ARNT2: variants seen among roughly 807,000 people sequenced by gnomAD.
The protein encoded by ARNT2 is aryl hydrocarbon receptor nuclear translocator 2.
In ARNT2, 36 loss-of-function variants were observed where a neutral mutation model predicts 91.7. The observed-to-expected ratio is 0.39, with a 90% CI of 0.30 to 0.52. The LOEUF is 0.52. Among genes scored for constraint, ARNT2 ranks in the 20% least tolerant of loss-of-function variants. The pLI, the probability that ARNT2 is intolerant of heterozygous loss-of-function variation, is 0.72. For synonymous variants in ARNT2, 365 were observed against 347.1 expected (o/e 1.05, Z -0.57); for missense variants, 775 against 939.3 (o/e 0.83, Z 2.29).
chr15:80,470,137 G>A (rs1896712288), intron 3 of ARNT2, 81 bp from the exon 4 acceptor site: 1 of 1,380,654 alleles, frequency 7.2e-7, no homozygotes, highest in Non-Finnish European at 1.0e-6. Context: ...TGGTGTTAAT[G>A]GTTTTATCCC....
At chr15:80,551,098 C>A in intron 8 of ARNT2, 101 bp from the exon 9 acceptor site, 1 of 1,164,176 alleles carries the variant, frequency 8.6e-7, no homozygotes. Context: ...ATGGCCAACA[C>A]TCACTGTATT....
At chr15:80,475,325 C>G (rs1025007534) in intron 5 of ARNT2, 102 bp downstream of exon 5, 1 of 1,202,890 alleles carries the variant, frequency 8.3e-7, no homozygotes, top group African/African-American at 1.5e-5. Context: ...GAGGCTGAGG[C>G]GGGTGGATCA....
chr15:80,584,997 T>C (rs1004420294), intron 17 of ARNT2, among the ~76,000 whole-genome samples: 38 of 152,214 alleles, frequency 2.5e-4, no homozygotes, highest in Non-Finnish European at 3.8e-4. Context: ...CTCCTCAGGA[T>C]AGCTTTGTAG....
chr15:80,439,949 C>A (rs1000796019), intron 1 of ARNT2, among the ~76,000 whole-genome samples: 6 of 152,324 alleles, frequency 3.9e-5, no homozygotes, highest in Admixed American at 3.9e-4. Context: ...AGAATCAGAG[C>A]TTTGAACCCT....
chr15:80,499,209 G>A (rs906407637), intron 5 of ARNT2, among the ~76,000 whole-genome samples: 4 of 152,148 alleles, frequency 2.6e-5, no homozygotes, highest in African/African-American at 7.2e-5. Flanking sequence ...GCATATCAAT[G>A]ATCAAATATT....
rs1893281360 is a variant in ARNT2 at position 80,591,619 on chromosome 15, G to T, written c.1970G>T (p.Trp657Leu). Residue 657 changes from tryptophan to leucine, a missense_variant, in exon 18 of 19, where the codon TGG becomes TTG. This residue lies in a region of ARNT2 where 325 missense variants were observed against 359.9 expected (regional missense o/e 0.90). Transcript: ENST00000303329. The surrounding 1 kb of genome is among the most constrained non-coding windows in gnomAD (Gnocchi z 5.1). ...GQFQGRPSEV[W>L]SQWQSQHHGQ... ...TTCCAAGGGCGGCCCTCGGAAGTCT[G>T]GTCGCAGTGGCAAAGCCAGCACCAT... The T allele has an allele frequency of 6.2e-7, 1 of 1,614,074 alleles. No individual in the cohort carries two copies. Among genetic ancestry groups the T allele is most frequent in the Non-Finnish European group, 8.5e-7 (1 of 1,180,042 alleles).
At chr15:80,579,700 C>T (rs569547780) in intron 15 of ARNT2, among the ~76,000 whole-genome samples, 13 of 152,296 alleles carry the variant, frequency 8.5e-5, no homozygotes, top group Non-Finnish European at 1.5e-4. Context: ...CTCATGTAAT[C>T]GACATAGCCT....
intron 5 of ARNT2, among the ~76,000 whole-genome samples, chr15:80,499,993 T>C (rs1227015261): frequency 6.6e-6 from 1 of 152,184 alleles, no homozygotes; most frequent in Admixed American, 6.5e-5. Flanking sequence ...AACCGGTGAA[T>C]TGATGTGTTT....
At chr15:80,456,930 C>T (rs1896489837) in intron 2 of ARNT2, among the ~76,000 whole-genome samples, 1 of 151,996 alleles carries the variant, frequency 6.6e-6, no homozygotes, top group Non-Finnish European at 1.5e-5. Context: ...GTGCCTCATC[C>T]AGTCCACCAG....
intron 4 of ARNT2, among the ~76,000 whole-genome samples, chr15:80,473,141 C>T (rs1484980049): frequency 2.0e-5 from 3 of 152,140 alleles, no homozygotes; most frequent in Non-Finnish European, 2.9e-5. Context: ...TTGCTGAGGG[C>T]GTGAAGTAAC....
chr15:80,593,743 G>A lies in ARNT2; in HGVS notation c.*45G>A. On this transcript the variant is annotated 3_prime_UTR_variant, in exon 19 of 19. Coordinates refer to ENST00000303329, the MANE Select transcript of ARNT2 (RefSeq NM_014862.4). ...CCTGCTGTACAGTGCCACCCATACT[G>A]TGATGTCGATGCCCATGTGAATGAG... is the stretch of plus-strand genomic sequence containing the variant. 6.5e-7 allele frequency: 1 copy of A among 1,527,990 alleles called. No individual in the cohort carries two copies. The highest frequency in any genetic ancestry group is 8.9e-7 in the Non-Finnish European group (1 of 1,120,254). 94.7% of individuals were successfully genotyped at this position (1,527,990 alleles called of 1,614,324 possible).
At chr15:80,490,450 C>T (rs773155970) in intron 5 of ARNT2, among the ~76,000 whole-genome samples, 9 of 152,214 alleles carry the variant, frequency 5.9e-5, no homozygotes, top group Admixed American at 3.3e-4. Flanking sequence ...CAAATTGGTG[C>T]GTGAGATCCA....
At chr15:80,533,450 CA>C (rs780098365) in intron 8 of ARNT2, among the ~76,000 whole-genome samples, 5 of 152,070 alleles carry the variant, frequency 3.3e-5, no homozygotes, top group Admixed American at 6.5e-5. Context: ...TGGGGTGCCC[CA>C]GGCAGAAATA....
chr15:80,443,806 G>A (rs1211264616), intron 1 of ARNT2, among the ~76,000 whole-genome samples: 3 of 152,196 alleles, frequency 2.0e-5, no homozygotes, highest in Non-Finnish European at 2.9e-5. Context: ...CACAAGAGTG[G>A]CCTTGTGACG....
intron 3 of ARNT2, among the ~76,000 whole-genome samples, chr15:80,465,831 T>G (rs938612057): frequency 6.6e-6 from 1 of 152,174 alleles, no homozygotes; most frequent in African/African-American, 2.4e-5. Context: ...TTCCTGGGAC[T>G]TTTTCACAGG....
At chr15:80,509,312 C>T (rs371697874) in intron 6 of ARNT2, among the ~76,000 whole-genome samples, 11 of 151,994 alleles carry the variant, frequency 7.2e-5, no homozygotes, top group East Asian at 1.9e-4. Context: ...TGTGGTGGCA[C>T]ACACCTGTAA....
At chr15:80,470,531 G>C in intron 4 of ARNT2, 100 bp downstream of exon 4, 1 of 1,289,770 alleles carries the variant, frequency 7.8e-7, no homozygotes, top group Non-Finnish European at 1.1e-6. Context: ...GGTTGAGGAA[G>C]GAATGAAGCC....
rs1893374071 is a variant in ARNT2 at position 80,596,293 on chromosome 15, C to A, written c.*2595C>A. 1 of 152,192 alleles carries A rather than the reference C, an allele frequency of 6.6e-6. No individual in the cohort carries two copies. The highest frequency in any genetic ancestry group is 1.5e-5 in the Non-Finnish European group (1 of 68,048). 9.4% of individuals were successfully genotyped at this position (152,192 alleles called of 1,614,324 possible). Reference sequence around the variant, plus strand: ...ATGACTAAATAGGCCCAGCCTCCTTCCCTTCCAGCTCTGTCCTAGGAGCAT... The same window carrying A: ...ATGACTAAATAGGCCCAGCCTCCTTACCTTCCAGCTCTGTCCTAGGAGCAT... On this transcript the variant is annotated 3_prime_UTR_variant, in exon 19 of 19. Transcript: ENST00000303329.
At position 80,404,656 on chromosome 15, in the gene ARNT2, C is replaced by G. The variant is rs1478995692; in HGVS notation, c.31+110C>G. ...CCGGGGGCGCGGAGCCGCAGCTCGGCGCGGTGGGTGGTGGAGCGGCTGTCA... is the reference window on the plus strand; with the variant it reads ...CCGGGGGCGCGGAGCCGCAGCTCGGGGCGGTGGGTGGTGGAGCGGCTGTCA... On this transcript the variant is annotated intron_variant, in intron 1 of 18. Transcript: ENST00000303329. The surrounding 1 kb of genome is among the most constrained non-coding windows in gnomAD (Gnocchi z 5.5). The G allele has an allele frequency of 4.2e-6, 3 of 714,654 alleles. No individual in the cohort carries two copies. The highest frequency in any genetic ancestry group is 1.9e-5 in the African/African-American group (1 of 51,692). The allele number at this position is 714,654 out of a possible 1,614,324, so 44.3% of individuals were successfully genotyped here. A position where few individuals can be genotyped will look rare whatever the true frequency, so the allele number is the denominator to read the frequency against.
Sources: allele counts gnomAD v4.1 joint callset (sites outside exome capture counted in the v4.1 genomes callset), GRCh38; gene constraint gnomAD v4.1.1; regional missense constraint gnomAD v4.1.1; non-coding constraint Gnocchi (gnomAD v3.1); transcripts MANE v1.5; gene names NCBI Gene and HGNC (gene_info 2026-07-23, HGNC 2026-07-21).